The following ATOSA variants were observed in gnomAD, a reference collection of about 807,000 sequenced individuals.
ATOSA encodes atos homolog A.
chr15:52,708,740 C>T, the ATOSA span, among the ~76,000 whole-genome samples: 14 of 152,010 alleles, frequency 9.2e-5, no homozygotes, highest in Admixed American at 2.0e-4. Flanking sequence ...CTTACCAAAA[C>T]GCTTAAGTCA....
chr15:52,610,506 G>T, the ATOSA span: 30 of 1,055,082 alleles, frequency 2.8e-5, no homozygotes, highest in Middle Eastern at 2.3e-4. Context: ...TACCACTGAG[G>T]TTTACTTTTA....
At chr15:52,584,400 A>G in the ATOSA span, among the ~76,000 whole-genome samples, 1 of 152,102 alleles carries the variant, frequency 6.6e-6, no homozygotes, top group East Asian at 1.9e-4. Flanking sequence ...GGCCTCCCAA[A>G]GTGCTGGAAT....
the ATOSA span, among the ~76,000 whole-genome samples, chr15:52,687,262 G>A: frequency 2.6e-5 from 4 of 152,156 alleles, no homozygotes; most frequent in Non-Finnish European, 5.9e-5. Context: ...AAAATTCTCC[G>A]GTCGTGTTGG....
At chr15:52,677,880 A>G in the ATOSA span, 1 of 1,346,250 alleles carries the variant, frequency 7.4e-7, no homozygotes, top group Non-Finnish European at 1.1e-6. Flanking sequence ...ATCTGTCACA[A>G]AAACAGATAA....
chr15:52,599,887 A>G, the ATOSA span, among the ~76,000 whole-genome samples: 11 of 152,184 alleles, frequency 7.2e-5, no homozygotes, highest in Non-Finnish European at 1.0e-4. Flanking sequence ...AGATTCCTCA[A>G]TCCAACCTGA....
chr15:52,636,522 A>C, the ATOSA span, among the ~76,000 whole-genome samples: 132,252 of 152,162 alleles, frequency 0.87, 57,865 homozygotes, highest in East Asian at 1. Flanking sequence ...TCTTTATATT[A>C]TCTTAAAAGA....
chr15:52,586,118 C>CCA, the ATOSA span: 8 of 152,152 alleles, frequency 5.3e-5, no homozygotes. Flanking sequence ...TTCCACTGAC[C>CCA]CACACTTTCT....
chr15:52,600,009 T>C, the ATOSA span: 1 of 496,980 alleles, frequency 2.0e-6, no homozygotes, highest in Non-Finnish European at 3.6e-6. Context: ...ATTTCAAGGC[T>C]TGAAAAAAGA....
At chr15:52,668,417 G>C in the ATOSA span, among the ~76,000 whole-genome samples, 2 of 152,180 alleles carry the variant, frequency 1.3e-5, no homozygotes, top group Non-Finnish European at 2.9e-5. Flanking sequence ...GGGAAGGAGA[G>C]AATAGGAAGA....
chr15:52,640,628 T>C, the ATOSA span, among the ~76,000 whole-genome samples: 3 of 62,758 alleles, frequency 4.8e-5, no homozygotes, highest in African/African-American at 1.8e-4. Context: ...AGATTTAAAA[T>C]GTAGACTACG....
chr15:52,684,895 A>G, the ATOSA span, among the ~76,000 whole-genome samples: 102 of 152,318 alleles, frequency 6.7e-4, no homozygotes, highest in African/African-American at 2.3e-3. Flanking sequence ...GGTATTTCTA[A>G]TGAGAATTGA....
chr15:52,677,445 G>A, the ATOSA span, among the ~76,000 whole-genome samples: 1 of 152,190 alleles, frequency 6.6e-6, no homozygotes, highest in Non-Finnish European at 1.5e-5. Flanking sequence ...GTTTAGAAAA[G>A]AAGTGACATT....
chr15:52,615,583 C>T, the ATOSA span, among the ~76,000 whole-genome samples: 1 of 152,062 alleles, frequency 6.6e-6, no homozygotes, highest in African/African-American at 2.4e-5. Context: ...GCAGAGATCT[C>T]ATGTAGAGAA....
At chr15:52,588,076 T>A in the ATOSA span, among the ~76,000 whole-genome samples, 21 of 151,878 alleles carry the variant, frequency 1.4e-4, no homozygotes, top group Admixed American at 3.9e-4. Flanking sequence ...ATATCAGGAG[T>A]CCTCCAGTTA....
the ATOSA span, among the ~76,000 whole-genome samples, chr15:52,592,033 G>A: frequency 2.0e-5 from 3 of 152,206 alleles, no homozygotes; most frequent in African/African-American, 7.2e-5. Context: ...TTAGAATGGA[G>A]TAAGCTTTCC....
chr15:52,587,011 G>C, the ATOSA span: 3 of 1,524,492 alleles, frequency 2.0e-6, no homozygotes, highest in Non-Finnish European at 2.6e-6. Flanking sequence ...TCCTGGGGCA[G>C]AGCAGGGGAA....
At chr15:52,700,773 C>A in the ATOSA span, among the ~76,000 whole-genome samples, 28 of 152,270 alleles carry the variant, frequency 1.8e-4, no homozygotes, top group African/African-American at 6.3e-4. Context: ...TTTTTTACCT[C>A]TCTCGTGGAA....
At chr15:52,685,380 G>C in the ATOSA span, among the ~76,000 whole-genome samples, 1 of 151,918 alleles carries the variant, frequency 6.6e-6, no homozygotes, top group East Asian at 1.9e-4. Flanking sequence ...GAACAATGGT[G>C]AACAACCCTT....
the ATOSA span, among the ~76,000 whole-genome samples, chr15:52,632,965 G>A: frequency 6.6e-6 from 1 of 152,070 alleles, no homozygotes; most frequent in Non-Finnish European, 1.5e-5. Flanking sequence ...TGTAACTGCA[G>A]TAAGTAAAAC....
Sources: gnomAD v4.1 joint callset for allele counts (sites outside exome capture counted in the v4.1 genomes callset) on GRCh38, gnomAD v4.1.1 for gene constraint, MANE v1.5 for transcripts, NCBI Gene and HGNC (gene_info 2026-07-23, HGNC 2026-07-21) for gene names.